Variants in CCDC171 observed in about 807,000 individuals in gnomAD.
CCDC171 encodes coiled-coil domain containing 171.
Under a neutral mutation model 168.2 loss-of-function variants are expected in CCDC171, and 177 were observed. That is an observed-to-expected ratio of 1.05 (90% CI 0.93 to 1.19). CCDC171 has a LOEUF of 1.19. Ranked by LOEUF, CCDC171 falls within the 50% of genes most tolerant of loss-of-function variation. The probability of loss-of-function intolerance (pLI) is 0.00; values close to 1 mark genes in which losing one functional copy is unlikely to be tolerated. For missense variants in CCDC171, 1,991 were observed against 1,539.0 expected, an observed-to-expected ratio of 1.29 and a Z score of -4.91; for synonymous variants, 687 against 540.8, an observed-to-expected ratio of 1.27 and a Z score of -3.75.
chr9:16,077,509 A>G, the CCDC171 span, among the ~76,000 whole-genome samples: 5 of 152,240 alleles, frequency 3.3e-5, no homozygotes, highest in African/African-American at 1.2e-4. Context: ...GTGATGTGAG[A>G]TTATGCTCAC....
chr9:15,868,843 AG>A (rs2131126304), intron 23 of CCDC171, among the ~76,000 whole-genome samples: 1 of 152,064 alleles, frequency 6.6e-6, no homozygotes, highest in South Asian at 2.1e-4. Context: ...TAGTATGGAG[AG>A]TACGGTTGTC....
At chr9:15,662,074 C>G (rs2048360327) in intron 8 of CCDC171, among the ~76,000 whole-genome samples, 1 of 152,144 alleles carries the variant, frequency 6.6e-6, no homozygotes, top group Non-Finnish European at 1.5e-5. Context: ...GCCAGGAGTT[C>G]CAGACCAGTC....
intron 10 of CCDC171, among the ~76,000 whole-genome samples, chr9:15,692,802 C>T (rs1461670064): frequency 6.7e-6 from 1 of 149,482 alleles, no homozygotes; most frequent in Non-Finnish European, 1.5e-5. Context: ...GCTGGGATTA[C>T]AGGCGTGAGC....
intron 6 of CCDC171, among the ~76,000 whole-genome samples, chr9:15,605,639 G>C (rs1587356758): frequency 6.7e-6 from 1 of 149,770 alleles, no homozygotes; most frequent in Non-Finnish European, 1.5e-5. Context: ...GTGAGCCAAG[G>C]TCGCACCACT....
the CCDC171 span, among the ~76,000 whole-genome samples, chr9:16,079,771 A>G: frequency 1.3e-5 from 2 of 152,184 alleles, no homozygotes; most frequent in Admixed American, 1.3e-4. Context: ...ATCTCTGTTT[A>G]TGAAAAAGCT....
chr9:15,952,211 A>G (rs903389866), intron 25 of CCDC171, among the ~76,000 whole-genome samples: 1 of 152,074 alleles, frequency 6.6e-6, no homozygotes, highest in Admixed American at 6.6e-5. Context: ...TTTACTTCTG[A>G]GCTCTCTATT....
the CCDC171 span, among the ~76,000 whole-genome samples, chr9:16,067,722 C>T: frequency 6.6e-6 from 1 of 152,170 alleles, no homozygotes; most frequent in East Asian, 1.9e-4. Flanking sequence ...AATAGGGAAT[C>T]CTTTCCCCAT....
chr9:15,623,474 C>CGCGCGCGCGCGTGT, intron 7 of CCDC171, 61 bp downstream of exon 7: 1 of 710,522 alleles, frequency 1.4e-6, no homozygotes, highest in Non-Finnish European at 2.2e-6. Flanking sequence ...TGCGCGCGCG[C>CGCGCGCGCGCGTGT]GCACACACAC....
intron 7 of CCDC171, among the ~76,000 whole-genome samples, chr9:15,632,445 C>G (rs1182014275): frequency 6.6e-6 from 1 of 151,862 alleles, no homozygotes; most frequent in Non-Finnish European, 1.5e-5. Context: ...AATAAAATAC[C>G]TAGGAATCCA....
chr9:15,978,512 A>G (rs151116430), downstream of CCDC171, among the ~76,000 whole-genome samples: 121 of 152,274 alleles, frequency 7.9e-4, 1 homozygote, highest in East Asian at 0.018. Flanking sequence ...GGGGAGGCAG[A>G]ATCCCTGTTC....
chr9:15,922,119 C>T (rs1199385080), intron 25 of CCDC171: 1 of 376,502 alleles, frequency 2.7e-6, no homozygotes, highest in Non-Finnish European at 5.7e-6. Flanking sequence ...AGGATACATT[C>T]ATCATTTCAT....
At chr9:15,984,454 GTTTATA>G (rs376422863) in intron 3 of CCDC171, among the ~76,000 whole-genome samples, 1 of 41,820 alleles carries the variant, frequency 2.4e-5, no homozygotes, top group Non-Finnish European at 4.6e-5. Flanking sequence ...ATATATATAT[GTTTATA>G]TGTATGTATA....
chr9:15,917,207 G>T (rs1269370125), intron 24 of CCDC171, among the ~76,000 whole-genome samples: 3 of 151,794 alleles, frequency 2.0e-5, no homozygotes, highest in Admixed American at 2.0e-4. Context: ...ATTCTTCAAA[G>T]GATATGTGGC....
intron 24 of CCDC171, among the ~76,000 whole-genome samples, chr9:15,878,392 G>C (rs550796063): frequency 6.6e-5 from 10 of 151,962 alleles, no homozygotes; most frequent in African/African-American, 2.4e-4. Flanking sequence ...CAACATTGCT[G>C]ATCATTAGAG....
intron 14 of CCDC171, among the ~76,000 whole-genome samples, chr9:15,727,226 T>C (rs1023998127): frequency 6.6e-6 from 1 of 152,170 alleles, no homozygotes; most frequent in Admixed American, 6.6e-5. Flanking sequence ...TATGAACTTA[T>C]AAGTGGGGAA....
At chr9:16,037,950 G>A (rs957936754), upstream of CCDC171, among the ~76,000 whole-genome samples, 1 of 152,136 alleles carries the variant, frequency 6.6e-6, no homozygotes, top group African/African-American at 2.4e-5. Context: ...GATTCAGGAA[G>A]TACAGTAAGT....
chr9:15,634,718 C>G (rs1326185516), intron 7 of CCDC171, among the ~76,000 whole-genome samples: 1 of 152,154 alleles, frequency 6.6e-6, no homozygotes, highest in Non-Finnish European at 1.5e-5. Flanking sequence ...AGTGTATTCA[C>G]AGCATTGTGC....
chr9:15,844,316 G>A (rs1019046942), intron 21 of CCDC171, among the ~76,000 whole-genome samples: 3 of 151,800 alleles, frequency 2.0e-5, no homozygotes, highest in Non-Finnish European at 4.4e-5. Flanking sequence ...TATGTGATGT[G>A]TATATGTATG....
At chr9:15,881,084 TG>T (rs572880196) in intron 24 of CCDC171, among the ~76,000 whole-genome samples, 293 of 152,264 alleles carry the variant, frequency 1.9e-3, no homozygotes, top group African/African-American at 6.9e-3. Flanking sequence ...CTAACTTGAA[TG>T]TGAATATAAG....
Sources: allele counts gnomAD v4.1 joint callset (sites outside exome capture counted in the v4.1 genomes callset), GRCh38; gene constraint gnomAD v4.1.1; transcripts MANE v1.5; gene names NCBI Gene and HGNC (gene_info 2026-07-23, HGNC 2026-07-21).